RRP1: variants seen among roughly 807,000 people sequenced by gnomAD.
The protein encoded by RRP1 is ribosomal RNA processing protein 1 homolog A.
Under a neutral mutation model 54.6 loss-of-function variants are expected in RRP1, and 37 were observed. That is an observed-to-expected ratio of 0.68 (90% CI 0.52 to 0.89). RRP1 has a LOEUF of 0.89. Among genes scored for constraint, RRP1 ranks in the 40% least tolerant of loss-of-function variants. RRP1 has a pLI of 0.00. For synonymous variants in RRP1, 262 were observed against 244.3 expected (o/e 1.07, Z -0.67); for missense variants, 639 against 612.5 (o/e 1.04, Z -0.46).
At chr21:43,799,454 TCC>T in intron 8 of RRP1, 114 bp from the exon 9 acceptor site, 1 of 1,099,142 alleles carries the variant, frequency 9.1e-7, no homozygotes. Context: ...CCCGGGTGTT[TCC>T]CGCCTGTGCC....
intron 12 of RRP1, 125 bp from the exon 13 acceptor site, chr21:43,803,387 G>A: frequency 1.5e-6 from 2 of 1,312,092 alleles, no homozygotes; most frequent in Admixed American, 2.7e-5. Flanking sequence ...GATGCGTCTG[G>A]CTGGCTGTTG....
intron 9 of RRP1, 57 bp from the exon 10 acceptor site, chr21:43,800,460 T>A (rs2085074392): frequency 6.4e-7 from 1 of 1,557,108 alleles, no homozygotes; most frequent in African/African-American, 1.4e-5. Context: ...TTCCACGTTC[T>A]CGGAGCACGC....
At chr21:43,796,331 TA>T (rs1433388209) in intron 5 of RRP1, among the ~76,000 whole-genome samples, 4 of 152,210 alleles carry the variant, frequency 2.6e-5, no homozygotes. Context: ...GATTACCCCA[TA>T]GGGGTCTCAT....
intron 4 of RRP1, among the ~76,000 whole-genome samples, chr21:43,794,293 A>G (rs1025229406): frequency 1.3e-5 from 2 of 152,144 alleles, no homozygotes; most frequent in African/African-American, 4.8e-5. Context: ...ACTCTTAGGG[A>G]CAATGGGGCT....
intron 4 of RRP1, among the ~76,000 whole-genome samples, chr21:43,793,853 C>A (rs1006384545): frequency 6.6e-6 from 1 of 152,168 alleles, no homozygotes; most frequent in Non-Finnish European, 1.5e-5. Flanking sequence ...CATTGTATCC[C>A]CGTTCAGGGC....
intron 4 of RRP1, among the ~76,000 whole-genome samples, chr21:43,794,906 G>A (rs1174962448): frequency 6.6e-6 from 1 of 151,960 alleles, no homozygotes; most frequent in Non-Finnish European, 1.5e-5. Flanking sequence ...GGAGTCGTAG[G>A]ACTGTCCCCT....
Position 43,791,886 on chromosome 21 carries a change from TG to T in RRP1, c.216+457del, listed in dbSNP as rs373981244. ...CTTGGTTCGGCACGGCTGGTGGGCC[TG>T]GGCCTTTGTTAGGTGAGTCTTACAC... is the stretch of plus-strand genomic sequence containing the variant. On this transcript the variant is annotated intron_variant, in intron 2 of 12. Coordinates refer to ENST00000497547, the MANE Select transcript of RRP1 (RefSeq NM_003683.6). Among the ~76,000 whole-genome samples the T allele has an allele frequency of 3.1e-3, 469 of 152,314 alleles. 4 individuals carry two copies. Among genetic ancestry groups the T allele is most frequent in the African/African-American group, 0.011 (443 of 41,566 alleles).
At position 43,803,518 on chromosome 21, in the gene RRP1, G is replaced by A; in HGVS notation, c.1130G>A (p.Gly377Asp). 1 of 1,553,924 alleles carries A rather than the reference G, an allele frequency of 6.4e-7. No individual in the cohort carries two copies. The highest frequency in any genetic ancestry group is 8.7e-7 in the Non-Finnish European group (1 of 1,147,346). ...GGTCTTGCTGTTTTGTCAGGGAAAG[G>A]TGAGAAGGAGCCCCCGAGCCCGGGC... ...LLRLQQERGK[G>D]EKEPPSPGME... The change falls in exon 13 of 13, where the codon GGT (glycine) becomes GAT (aspartate). Residue 377 changes from glycine to aspartate, a missense_variant. Physicochemically the swap from Gly to Asp is moderately conservative, Grantham distance 94 (BLOSUM62 -1). Coordinates refer to ENST00000497547, the MANE Select transcript of RRP1 (RefSeq NM_003683.6).
intron 5 of RRP1, among the ~76,000 whole-genome samples, chr21:43,796,236 C>G (rs1239375993): frequency 6.6e-6 from 1 of 151,940 alleles, no homozygotes; most frequent in Non-Finnish European, 1.5e-5. Context: ...AGCGGTGCCT[C>G]TGGTTTGGAG....
At chr21:43,799,298 T>G (rs1253873139) in intron 8 of RRP1, among the ~76,000 whole-genome samples, 1 of 151,778 alleles carries the variant, frequency 6.6e-6, no homozygotes, top group African/African-American at 2.4e-5. Context: ...CTGGGACATC[T>G]TTTTTTCCTT....
rs1375507678 is a variant in RRP1, at chr21:43,789,642, G to A, written c.13G>A (p.Val5Met). Residue 5 changes from valine (V) to methionine (M), a missense_variant, in exon 1 of 13, where the codon GTG (valine) becomes ATG (methionine). By Grantham distance (21) the Val-to-Met change is conservative. Coordinates refer to ENST00000497547, the MANE Select transcript of RRP1 (RefSeq NM_003683.6). MVSR[V>M]QLPPEIQLAQ... ...GGCCGTCGGCGTCATGGTTTCGCGC[G>A]TGCAGCTCCCGCCTGAGATCCAGCT... 2 of 1,585,430 alleles carry A rather than the reference G, an allele frequency of 1.3e-6. No individual in the cohort carries two copies. Among genetic ancestry groups the A allele is most frequent in the Non-Finnish European group, 8.6e-7 (1 of 1,167,494 alleles).
chr21:43,792,731 T>C lies in RRP1; in HGVS notation c.274+2T>C. On this transcript the variant is annotated splice_donor_variant, in intron 3 of 12. Transcript: ENST00000497547. LOFTEE classifies it high-confidence loss of function. ...ATGCTTTTCAGACCACGGAGGCGCG[T>C]GAGTATGCTCTGCTGTAGTTGGGTG... is the stretch of plus-strand genomic sequence containing the variant. 2.5e-6 allele frequency: 4 copies of C among 1,613,994 alleles called. No homozygotes were observed. Among genetic ancestry groups the C allele is most frequent in the Non-Finnish European group, 3.4e-6 (4 of 1,179,898 alleles).
chr21:43,799,142 C>T (rs540953772), intron 8 of RRP1, among the ~76,000 whole-genome samples: 19 of 152,228 alleles, frequency 1.2e-4, no homozygotes, highest in African/African-American at 3.4e-4. Context: ...CAGCCTAGCT[C>T]GAGCACCCAG....
chr21:43,793,419 A>G lies in RRP1; in HGVS notation c.360+15A>G. The stretch of plus-strand genomic sequence containing the variant: ...AATTCTACATGGTGAGGCAGCCACC[A>G]GGGTGCCGGCGGGCGGGGGCAGCGC... On this transcript the variant is annotated intron_variant, in intron 4 of 12. Coordinates refer to ENST00000497547, the MANE Select transcript of RRP1 (RefSeq NM_003683.6). 2 of 1,608,876 alleles carry G rather than the reference A, an allele frequency of 1.2e-6. No homozygotes were observed. Among genetic ancestry groups the G allele is most frequent in the Non-Finnish European group, 1.7e-6 (2 of 1,177,506 alleles).
intron 12 of RRP1, among the ~76,000 whole-genome samples, chr21:43,802,791 C>T (rs542952509): frequency 2.2e-4 from 34 of 152,388 alleles, no homozygotes; most frequent in Admixed American, 2.0e-3. Flanking sequence ...CCACTTCTGT[C>T]CTTGATTTCT....
In RRP1 at chr21:43,802,363, C is replaced by G; in HGVS notation, c.1099C>G (p.Leu367Val). ...GAAGAAGACGAAGAAGCAGAAGCGT[C>G]TGCTCAGGTTGCAGCAGGAGAGAGG... Reference protein sequence around the residue: ...RQKKTKKQKRLLRLQQERGKG... With the variant: ...RQKKTKKQKRVLRLQQERGKG... Residue 367 changes from leucine to valine, a missense_variant, in exon 12 of 13, where the codon CTG becomes GTG. Physicochemically the swap from Leu to Val is conservative, Grantham distance 32. Transcript: ENST00000497547. 1 of 1,613,996 alleles carries G rather than the reference C, an allele frequency of 6.2e-7. No individual in the cohort carries two copies. Among genetic ancestry groups the G allele is most frequent in the Non-Finnish European group, 8.5e-7 (1 of 1,179,982 alleles).
At chr21:43,793,137 C>A in intron 3 of RRP1, 182 bp from the exon 4 acceptor site, 1 of 606,678 alleles carries the variant, frequency 1.6e-6, no homozygotes. Context: ...ACTTGAGGAG[C>A]CTCTAAAAAT....
Position 43,798,098 on chromosome 21 carries a change from C to T in RRP1, c.809C>T (p.Ala270Val), listed in dbSNP as rs117749073. The change falls in exon 8 of 13, where the codon GCA becomes GTA. Residue 270 changes from alanine to valine, a missense_variant and splice_region_variant. Physicochemically the swap from Ala to Val is moderately conservative, Grantham distance 64 (BLOSUM62 0). Transcript: ENST00000497547. ...LSQKRSEKPP[A>V]GSICRAEPEA... ...CAGAAGAGGTCTGAGAAGCCGCCCG[C>T]AGGTGGGGGTCACACTGCGCCTGGC... The T allele has an allele frequency of 7.0e-4, 1,128 of 1,608,594 alleles. 17 individuals carry two copies. The East Asian group carries it at 0.023, about 32-fold the overall frequency.
chr21:43,800,974 G>A (rs1423226693), intron 11 of RRP1, 93 bp downstream of exon 11: 29 of 1,355,380 alleles, frequency 2.1e-5, no homozygotes, highest in Admixed American at 2.0e-4. Flanking sequence ...CTCATAGCAC[G>A]TGGAGTCTCT....
Sources: gnomAD v4.1 joint callset for allele counts (sites outside exome capture counted in the v4.1 genomes callset) on GRCh38, gnomAD v4.1.1 for gene constraint, MANE v1.5 for transcripts, NCBI Gene and HGNC (gene_info 2026-07-23, HGNC 2026-07-21) for gene names.